Variants in PTPRF observed in about 807,000 individuals in gnomAD.
The protein encoded by PTPRF is protein tyrosine phosphatase receptor type F.
In PTPRF, 59 loss-of-function variants were observed where a neutral mutation model predicts 201.8. That is an observed-to-expected ratio of 0.29 (90% CI 0.24 to 0.36). The LOEUF (loss-of-function observed/expected upper bound fraction) is 0.36, where lower values mean the gene tolerates loss of function less well. Among genes scored for constraint, PTPRF ranks in the 10% least tolerant of loss-of-function variants. The probability of loss-of-function intolerance (pLI) is 1.00; values close to 1 mark genes in which losing one functional copy is unlikely to be tolerated. For synonymous variants in PTPRF, 1,088 were observed against 1,089.7 expected (o/e 1.00, Z 0.03); for missense variants, 2,132 against 2,690.5 (o/e 0.79, Z 4.59).
chr1:43,535,594 A>G (rs1403632859), intron 1 of PTPRF, among the ~76,000 whole-genome samples: 1 of 152,142 alleles, frequency 6.6e-6, no homozygotes, highest in Non-Finnish European at 1.5e-5. Flanking sequence ...GCATTCCCCT[A>G]GGTATCATCG....
At chr1:43,618,895 T>A (rs1192214249) in intron 26 of PTPRF, 146 bp downstream of exon 26, 27 of 1,440,540 alleles carry the variant, frequency 1.9e-5, no homozygotes, top group Middle Eastern at 1.9e-4. Flanking sequence ...TGATCCATGT[T>A]ATGGGAACAG....
rs2154040507 is a variant in PTPRF, at chr1:43,620,874, A to G, written c.5401A>G (p.Thr1801Ala). The G allele has an allele frequency of 6.2e-7, 1 of 1,613,964 alleles. No homozygotes were observed. Among genetic ancestry groups the G allele is most frequent in the Admixed American group, 1.7e-5 (1 of 60,006 alleles). The change falls in exon 32 of 34, where the codon ACA (threonine) becomes GCA (alanine). Residue 1801 changes from threonine (T) to alanine (A), a missense_variant. Around this residue, in one of 6 missense-constraint regions of PTPRF, gnomAD observed 519 missense variants for 659.5 expected, o/e 0.79. Coordinates refer to ENST00000359947, the MANE Select transcript of PTPRF (RefSeq NM_002840.5). The part of the protein sequence containing the change: ...QSRTIRQFQF[T>A]DWPEQGVPKT... ...AAGGACAATCCGGCAGTTCCAGTTC[A>G]CAGACTGGCCAGAGCAGGGCGTGCC... is the stretch of plus-strand genomic sequence containing the variant.
Position 43,557,120 on chromosome 1 carries a change from G to C in PTPRF, c.379+3179G>C, listed in dbSNP as rs377607932. Among the ~76,000 whole-genome samples, 105 of 152,350 alleles carry C rather than the reference G, an allele frequency of 6.9e-4. 1 individual carries two copies. The South Asian group carries it at 9.1e-3, about 13-fold the overall frequency. On this transcript the variant is annotated intron_variant, in intron 5 of 33. Transcript: ENST00000359947. The stretch of plus-strand genomic sequence containing the variant: ...CCCTGGCATTTGGGAGGTGGCTGAA[G>C]GACCAGAGGCCCCAGAGGGCTTCTT...
intron 8 of PTPRF, among the ~76,000 whole-genome samples, chr1:43,590,348 C>T (rs1335480985): frequency 6.6e-6 from 1 of 152,218 alleles, no homozygotes; most frequent in East Asian, 1.9e-4. Flanking sequence ...GGTGTAAACT[C>T]CATGAGAGCA....
chr1:43,563,661 T>C (rs1197735410), intron 5 of PTPRF, among the ~76,000 whole-genome samples: 1 of 152,180 alleles, frequency 6.6e-6, no homozygotes, highest in African/African-American at 2.4e-5. Flanking sequence ...AGGCCCGGCA[T>C]GTGTCCTTAA....
chr1:43,610,558 A>G (rs1656191878), intron 22 of PTPRF, among the ~76,000 whole-genome samples: 1 of 152,274 alleles, frequency 6.6e-6, no homozygotes, highest in African/African-American at 2.4e-5. Context: ...CCCGTGGCCA[A>G]GTACAGCCCA....
At chr1:43,543,097 T>C (rs74804583) in intron 2 of PTPRF, among the ~76,000 whole-genome samples, 2,721 of 152,266 alleles carry the variant, frequency 0.018, 81 homozygotes, top group Middle Eastern at 0.061. Context: ...CTCATGTGTC[T>C]CATTCAGGGG....
At chr1:43,531,748 C>T (rs1398083124) in intron 1 of PTPRF, among the ~76,000 whole-genome samples, 1 of 152,050 alleles carries the variant, frequency 6.6e-6, no homozygotes, top group African/African-American at 2.4e-5. Flanking sequence ...GGGTGCAACG[C>T]CCTGGAGGCC....
chr1:43,573,884 G>T (rs1646738190), intron 6 of PTPRF, among the ~76,000 whole-genome samples: 1 of 151,166 alleles, frequency 6.6e-6, no homozygotes. Flanking sequence ...TCCTGGCGTG[G>T]ATGACAGGAG....
intron 22 of PTPRF, among the ~76,000 whole-genome samples, chr1:43,610,483 C>T (rs1434152061): frequency 6.6e-6 from 1 of 152,250 alleles, no homozygotes; most frequent in Non-Finnish European, 1.5e-5. Flanking sequence ...AAGTCTGGGC[C>T]CTCAGCCGGA....
At chr1:43,560,207 CTGTG>C (rs201069145) in intron 5 of PTPRF, among the ~76,000 whole-genome samples, 7 of 146,304 alleles carry the variant, frequency 4.8e-5, no homozygotes, top group African/African-American at 1.5e-4. Flanking sequence ...GTGCAGCAGA[CTGTG>C]TGTTTGTATG....
At chr1:43,544,675 G>A (rs1412096243) in intron 2 of PTPRF, among the ~76,000 whole-genome samples, 1 of 152,192 alleles carries the variant, frequency 6.6e-6, no homozygotes, top group Non-Finnish European at 1.5e-5. Flanking sequence ...CCTCTTATGG[G>A]GGTGAGTTAG....
In PTPRF at chr1:43,591,004, A is replaced by T. The variant is rs1342143736; in HGVS notation, c.982A>T (p.Thr328Ser). The change falls in exon 9 of 34, where the codon ACA (threonine) becomes TCA (serine). Residue 328 changes from threonine (T) to serine (S), a missense_variant. Thr to Ser is a moderately conservative substitution (Grantham distance 58). Around this residue, in one of 6 missense-constraint regions of PTPRF, gnomAD observed 297 missense variants for 454.0 expected, o/e 0.65. Transcript: ENST00000359947. ...AAAGCCTCCGATTGATCTTGTGGTGACAGAGACAACTGCCACCAGTGTCAC... is the reference window on the plus strand; with the variant it reads ...AAAGCCTCCGATTGATCTTGTGGTGTCAGAGACAACTGCCACCAGTGTCAC... ...LPKPPIDLVV[T>S]ETTATSVTLT... 16 of 1,613,256 alleles carry T rather than the reference A, an allele frequency of 9.9e-6. No homozygotes were observed. The highest frequency in any genetic ancestry group is 1.4e-5 in the Non-Finnish European group (16 of 1,179,366).
rs1347700620 is a variant in PTPRF at position 43,546,172 on chromosome 1, AGG to A, written c.91+1008_91+1009del. Among the ~76,000 whole-genome samples the A allele has an allele frequency of 6.6e-6, 1 of 152,140 alleles. No homozygotes were observed. The highest frequency in any genetic ancestry group is 1.5e-5 in the Non-Finnish European group (1 of 68,004). On this transcript the variant is annotated intron_variant, in intron 3 of 33. Transcript: ENST00000359947. The surrounding 1 kb of genome is among the most constrained non-coding windows in gnomAD (Gnocchi z 4.2). Reference sequence around the variant, plus strand: ...TACAGATCTCTCCCCTTGCCCCACCAGGGCTCTTTCTCCTAATGGCTCATTAA... The same window carrying A: ...TACAGATCTCTCCCCTTGCCCCACCAGCTCTTTCTCCTAATGGCTCATTAA...
chr1:43,596,591 C>T (rs910076351), intron 11 of PTPRF, among the ~76,000 whole-genome samples: 1 of 152,156 alleles, frequency 6.6e-6, no homozygotes, highest in Non-Finnish European at 1.5e-5. Context: ...TGTTGGCCTT[C>T]ATGTTCGGCC....
Position 43,605,441 on chromosome 1 carries a change from C to G in PTPRF, c.3387C>G (p.Val1129=). Residue 1129 remains valine, a splice_region_variant and synonymous_variant, in exon 18 of 34, where the codon GTC becomes GTG. Coordinates refer to ENST00000359947, the MANE Select transcript of PTPRF (RefSeq NM_002840.5). ...CCCATGTGCAAGACCCCTCGCTTGTCAGGTGTGCACACGAGGTATCGGGGG... is the reference window on the plus strand; with the variant it reads ...CCCATGTGCAAGACCCCTCGCTTGTGAGGTGTGCACACGAGGTATCGGGGG... The part of the protein sequence containing the change: ...SMPHVQDPSL[V]RWFYIVVVPI... 1 of 1,608,828 alleles carries G rather than the reference C, an allele frequency of 6.2e-7. No homozygotes were observed. The highest frequency in any genetic ancestry group is 8.5e-7 in the Non-Finnish European group (1 of 1,175,660).
Position 43,620,144 on chromosome 1 carries a change from G to A in PTPRF, c.5161G>A (p.Glu1721Lys), listed in dbSNP as rs780147204. Residue 1721 changes from glutamate (E) to lysine (K), a missense_variant, in exon 30 of 34, where the codon GAG (glutamate) becomes AAG (lysine). Physicochemically the swap from Glu to Lys is moderately conservative, Grantham distance 56 (BLOSUM62 1). Transcript: ENST00000359947. ...ATQGPLAEST[E>K]DFWRMLWEHN... The stretch of plus-strand genomic sequence containing the variant: ...ACAGGGGCCTCTGGCAGAGAGCACC[G>A]AGGACTTCTGGCGCATGCTATGGGA... 9 of 1,613,978 alleles carry A rather than the reference G, an allele frequency of 5.6e-6. No homozygotes were observed. Among genetic ancestry groups the A allele is most frequent in the African/African-American group, 2.7e-5 (2 of 74,904 alleles).
intron 5 of PTPRF, among the ~76,000 whole-genome samples, chr1:43,561,986 A>C (rs1313240834): frequency 6.6e-6 from 1 of 152,146 alleles, no homozygotes; most frequent in Non-Finnish European, 1.5e-5. Flanking sequence ...ACCACGGTGG[A>C]GCCAATGGCT....
intron 3 of PTPRF, among the ~76,000 whole-genome samples, chr1:43,552,819 C>T (rs757031477): frequency 6.6e-6 from 1 of 152,088 alleles, no homozygotes; most frequent in Non-Finnish European, 1.5e-5. Context: ...CCTCTGCCTC[C>T]CTGTGGACAC....
Sources: gnomAD v4.1 joint callset for allele counts (sites outside exome capture counted in the v4.1 genomes callset) on GRCh38, gnomAD v4.1.1 for gene constraint, gnomAD v4.1.1 regional missense constraint, Gnocchi (gnomAD v3.1) non-coding constraint, MANE v1.5 for transcripts, NCBI Gene and HGNC (gene_info 2026-07-23, HGNC 2026-07-21) for gene names.